The following RALB variants were observed in gnomAD, a reference collection of about 807,000 sequenced individuals.
The protein encoded by RALB is ras-related protein Ral-B.
RALB carries 16 observed loss-of-function variants against 21.3 expected under a neutral mutation model. That is an observed-to-expected ratio of 0.75 (90% confidence interval 0.51 to 1.14). The LOEUF (loss-of-function observed/expected upper bound fraction) is 1.14. Among genes scored for constraint, RALB ranks in the 50% most tolerant of loss-of-function variants. RALB has a pLI of 0.00. For synonymous variants in RALB, 93 were observed against 96.1 expected (o/e 0.97, Z 0.19); for missense variants, 161 against 256.2 (o/e 0.63, Z 2.54).
rs374006531 is a variant in RALB, at chr2:120,279,981, G to A, written c.114+1203G>A. 5.3e-5 allele frequency among the ~76,000 whole-genome samples: 8 copies of A among 152,194 alleles called. No individual in the cohort carries two copies. In the East Asian group the frequency reaches 5.8e-4, roughly 11 times the overall value. On this transcript the variant is annotated intron_variant, in intron 2 of 4. Coordinates refer to ENST00000272519, the MANE Select transcript of RALB (RefSeq NM_002881.3). ...GGTGTGGTTTGGAGTCACGCGGCATGTGGCGATTATCGCTGGCTGCAGGAG... is the reference window on the plus strand; with the variant it reads ...GGTGTGGTTTGGAGTCACGCGGCATATGGCGATTATCGCTGGCTGCAGGAG...
chr2:120,288,765 A>G (rs1246736733), intron 3 of RALB, among the ~76,000 whole-genome samples: 2 of 152,180 alleles, frequency 1.3e-5, no homozygotes, highest in Non-Finnish European at 2.9e-5. Flanking sequence ...GTACTTTTCC[A>G]TAGGGCTTGT....
chr2:120,281,267 T>C (rs1026769745), intron 2 of RALB, among the ~76,000 whole-genome samples: 2 of 152,136 alleles, frequency 1.3e-5, no homozygotes, highest in Non-Finnish European at 2.9e-5. Context: ...ATGTGCCGTC[T>C]CCATAGGCAG....
Position 120,289,643 on chromosome 2 carries a change from G to A in RALB, c.387G>A (p.Lys129=). 6.2e-7 allele frequency: 1 copy of A among 1,614,232 alleles called. No individual in the cohort carries two copies. Among genetic ancestry groups the A allele is most frequent in the Non-Finnish European group, 8.5e-7 (1 of 1,180,028 alleles). ...DKIPLLVVGN[K]SDLEERRQVP... ...TTCCACTGCTCGTCGTGGGAAACAA[G>A]TCTGACCTAGAGGAGCGGAGGCAGG... The change falls in exon 4 of 5, where the codon AAG becomes AAA. Residue 129 remains lysine, a synonymous_variant. Coordinates refer to ENST00000272519, the MANE Select transcript of RALB (RefSeq NM_002881.3).
rs1207661702 is a variant in RALB, at chr2:120,285,914, GA to G, written c.158del (p.Lys53ArgfsTer12). 1 of 1,613,868 alleles carries G rather than the reference GA, an allele frequency of 6.2e-7. No homozygotes were observed. The highest frequency in any genetic ancestry group is 1.3e-5 in the African/African-American group (1 of 74,880). The stretch of plus-strand genomic sequence containing the variant: ...GAACCTACCAAAGCTGACAGTTATA[GA>G]AAGAAAGTGGTTCTTGATGGGGAAG... Reference protein sequence around the residue: ...DYEPTKADSYRKKVVLDGEEV... With the variant: ...DYEPTKADSYXKKVVLDGEEV... On this transcript the variant is annotated frameshift_variant, in exon 3 of 5. Transcript: ENST00000272519. LOFTEE classifies it high-confidence loss of function.
intron 3 of RALB, among the ~76,000 whole-genome samples, 194 bp from the exon 4 acceptor site, chr2:120,289,384 CTG>C (rs1411515657): frequency 6.6e-6 from 1 of 152,108 alleles, no homozygotes; most frequent in Non-Finnish European, 1.5e-5. Flanking sequence ...TGTGGGCAAA[CTG>C]AGAAGCAGAC....
chr2:120,287,397 T>C (rs547900001), intron 3 of RALB, among the ~76,000 whole-genome samples: 2 of 152,332 alleles, frequency 1.3e-5, no homozygotes, highest in Admixed American at 1.3e-4. Context: ...AGAAGTTCTG[T>C]TAATTTTTAG....
chr2:120,284,834 T>C (rs1176117573), intron 2 of RALB, among the ~76,000 whole-genome samples: 1 of 152,242 alleles, frequency 6.6e-6, no homozygotes, highest in Non-Finnish European at 1.5e-5. Flanking sequence ...TTTCTGCTTC[T>C]ATGGATTTGC....
chr2:120,277,351 ATG>A (rs369449889), intron 1 of RALB, among the ~76,000 whole-genome samples: 2 of 100,026 alleles, frequency 2.0e-5, no homozygotes, highest in South Asian at 2.7e-4. Flanking sequence ...GCATGTGAAC[ATG>A]TGTGTGAGAG....
At chr2:120,253,002 G>A in intron 1 of RALB, 22 bp downstream of exon 1, 1 of 984,390 alleles carries the variant, frequency 1.0e-6, no homozygotes, top group Non-Finnish European at 1.2e-6. Flanking sequence ...GCGCCCGCGG[G>A]CCCCGGGCGG....
At chr2:120,268,932 AAAC>A (rs1267749576) in intron 1 of RALB, among the ~76,000 whole-genome samples, 5 of 76,890 alleles carry the variant, frequency 6.5e-5, no homozygotes, top group African/African-American at 6.2e-5. Context: ...ATATATAAAC[AAAC>A]AATTTTTTTA....
At position 120,289,664 on chromosome 2, in the gene RALB, G is replaced by A; in HGVS notation, c.408G>A (p.Arg136=). 4 of 1,614,232 alleles carry A rather than the reference G, an allele frequency of 2.5e-6. No individual in the cohort carries two copies. The South Asian group carries it at 3.3e-5, about 13-fold the overall frequency. The change falls in exon 4 of 5, where the codon AGG becomes AGA. Residue 136 remains arginine, a synonymous_variant. Coordinates refer to ENST00000272519, the MANE Select transcript of RALB (RefSeq NM_002881.3). Reference sequence around the variant, plus strand: ...ACAAGTCTGACCTAGAGGAGCGGAGGCAGGTGCCTGTGGAGGAGGCCAGGA... The same window carrying A: ...ACAAGTCTGACCTAGAGGAGCGGAGACAGGTGCCTGTGGAGGAGGCCAGGA... ...VGNKSDLEER[R]QVPVEEARSK...
chr2:120,253,054 C>T (rs1418749411), intron 1 of RALB, 74 bp downstream of exon 1: 2 of 889,552 alleles, frequency 2.2e-6, no homozygotes, highest in Non-Finnish European at 1.3e-6. Context: ...CGCACGCCCG[C>T]AGCCTCTTGC....
intron 1 of RALB, among the ~76,000 whole-genome samples, chr2:120,265,239 C>T (rs1407223262): frequency 2.6e-5 from 4 of 152,232 alleles, no homozygotes; most frequent in Non-Finnish European, 5.9e-5. Context: ...CCGTACGGTA[C>T]AGCCTTTTGC....
chr2:120,286,017 G>C lies in RALB; in HGVS notation c.258G>C (p.Gly86=). The change falls in exon 3 of 5, where the codon GGG becomes GGC. Residue 86 remains glycine (G), a synonymous_variant. Coordinates refer to ENST00000272519, the MANE Select transcript of RALB (RefSeq NM_002881.3). The part of the protein sequence containing the change: ...AAIRDNYFRS[G]EGFLLVFSIT... ...TTCGAGATAACTACTTTCGGAGTGG[G>C]GAAGGGTTTCTTCTTGTGTTCTCAA... 1 of 1,614,020 alleles carries C rather than the reference G, an allele frequency of 6.2e-7. No individual in the cohort carries two copies. The highest frequency in any genetic ancestry group is 8.5e-7 in the Non-Finnish European group (1 of 1,180,000).
intron 1 of RALB, among the ~76,000 whole-genome samples, chr2:120,258,963 T>C (rs922190124): frequency 2.0e-5 from 3 of 151,832 alleles, no homozygotes; most frequent in Admixed American, 6.6e-5. Flanking sequence ...GGTGGGTTCG[T>C]GGTCTCGCTG....
intron 3 of RALB, among the ~76,000 whole-genome samples, chr2:120,287,652 G>C (rs1489204481): frequency 1.3e-5 from 2 of 152,216 alleles, no homozygotes; most frequent in African/African-American, 4.8e-5. Context: ...TATTTCAAGT[G>C]CTCCTTGTCC....
intron 1 of RALB, among the ~76,000 whole-genome samples, chr2:120,241,691 A>T (rs1273006472): frequency 6.6e-6 from 1 of 152,118 alleles, no homozygotes; most frequent in Non-Finnish European, 1.5e-5. Context: ...GTGCCATTGT[A>T]CTCCAGCCTG....
At chr2:120,269,558 G>A (rs1248817853) in intron 1 of RALB, among the ~76,000 whole-genome samples, 1 of 152,096 alleles carries the variant, frequency 6.6e-6, no homozygotes, top group Non-Finnish European at 1.5e-5. Flanking sequence ...TGTGCTGATT[G>A]GCACATTTTA....
intron 2 of RALB, among the ~76,000 whole-genome samples, chr2:120,279,232 C>T (rs1689923588): frequency 1.3e-5 from 2 of 152,134 alleles, no homozygotes; most frequent in African/African-American, 4.8e-5. Context: ...CAAGGTAAAG[C>T]TTGCACTATC....
Sources: allele counts gnomAD v4.1 joint callset (sites outside exome capture counted in the v4.1 genomes callset), GRCh38; gene constraint gnomAD v4.1.1; transcripts MANE v1.5; gene names NCBI Gene and HGNC (gene_info 2026-07-23, HGNC 2026-07-21).